WDR44: variants seen among roughly 807,000 people sequenced by gnomAD.
WDR44 encodes WD repeat domain 44.
In WDR44, 9 loss-of-function variants were observed where a neutral mutation model predicts 65.7. The observed-to-expected ratio is 0.14, with a 90% confidence interval of 0.08 to 0.24. WDR44 has a LOEUF of 0.24. WDR44 is among the 10% of genes least tolerant of loss of function. The pLI is 1.00. For synonymous variants in WDR44, 220 were observed against 235.2 expected (o/e 0.94, Z 0.59); for missense variants, 425 against 670.9 (o/e 0.63, Z 4.05).
At chrX:118,391,987 AAAAG>A (rs1447829552) in intron 3 of WDR44, among the ~76,000 whole-genome samples, 2 of 111,917 alleles carry the variant, frequency 1.8e-5, no homozygotes, top group Admixed American at 9.5e-5. Flanking sequence ...TCAAAAAAGA[AAAAG>A]AAAGGAAGGG....
chrX:118,445,210 G>C (rs754656938), intron 19 of WDR44: 1 of 213,188 alleles, frequency 4.7e-6, no homozygotes, highest in Non-Finnish European at 8.6e-6. Flanking sequence ...CAAGAGAATG[G>C]TGTGAGCCCG....
At chrX:118,389,121 T>A (rs919707920) in intron 3 of WDR44, among the ~76,000 whole-genome samples, 1 of 112,009 alleles carries the variant, frequency 8.9e-6, no homozygotes, top group African/African-American at 3.2e-5. Flanking sequence ...TGGAGCAGAA[T>A]GAGGTTTAAG....
intron 1 of WDR44, among the ~76,000 whole-genome samples, chrX:118,369,608 A>G (rs2056593361): frequency 9.5e-6 from 1 of 105,644 alleles, no homozygotes; most frequent in Non-Finnish European, 1.9e-5. Context: ...AGCTGGGGCT[A>G]CAGGCGCCCA....
chrX:118,394,711 A>G (rs1034385758), intron 5 of WDR44, among the ~76,000 whole-genome samples: 3 of 111,422 alleles, frequency 2.7e-5, no homozygotes, highest in Non-Finnish European at 5.6e-5. Flanking sequence ...GTGGTGGGCC[A>G]GGCTACCACA....
chrX:118,358,097 A>G (rs1986985), intron 1 of WDR44, among the ~76,000 whole-genome samples: 29,110 of 111,508 alleles, frequency 0.26, 3,137 homozygotes, highest in African/African-American at 0.39. Flanking sequence ...TTGATCAGCA[A>G]CAGCTACCAA....
intron 2 of WDR44, among the ~76,000 whole-genome samples, chrX:118,381,330 G>A (rs1199754951): frequency 3.7e-5 from 4 of 109,499 alleles, no homozygotes; most frequent in Non-Finnish European, 7.6e-5. Flanking sequence ...TTAGCCAGGC[G>A]TGGTGGCACA....
rs769608605 is a variant in WDR44 at position 118,414,980 on chromosome X, A to G, written c.1737+4021A>G. Among the ~76,000 whole-genome samples the G allele has an allele frequency of 3.0e-4, 33 of 111,201 alleles. No individual in the cohort carries two copies. In the South Asian group the frequency reaches 3.8e-3, roughly 13 times the overall value. On this transcript the variant is annotated intron_variant, in intron 12 of 19. Transcript: ENST00000254029. The stretch of plus-strand genomic sequence containing the variant: ...CCAGTTCTCAGAGGGAATGCTTTCA[A>G]TTTTTCCCCATTCAGTATTATGTTG...
intron 12 of WDR44, among the ~76,000 whole-genome samples, chrX:118,415,050 C>G (rs1023786451): frequency 9.0e-6 from 1 of 111,643 alleles, no homozygotes; most frequent in Admixed American, 9.5e-5. Context: ...TGAGATATGT[C>G]ACCTGTATGC....
At chrX:118,382,232 T>TTTTG (rs908932991) in intron 2 of WDR44, among the ~76,000 whole-genome samples, 14 of 111,004 alleles carry the variant, frequency 1.3e-4, no homozygotes, top group Non-Finnish European at 1.9e-4. Context: ...AAGGTGGTTT[T>TTTTG]TTTGTTTGTT....
In WDR44 at chrX:118,449,159, T is replaced by G; in HGVS notation, c.*172T>G. ...TCTAGGAAACCCTGGGCTGATAGAG[T>G]AGAAAGGAATATGGCTAGAATAACA... On this transcript the variant is annotated 3_prime_UTR_variant, in exon 20 of 20. Coordinates refer to ENST00000254029, the MANE Select transcript of WDR44 (RefSeq NM_019045.5). 3.1e-6 allele frequency: 1 copy of G among 324,453 alleles called. No homozygotes were observed. The highest frequency in any genetic ancestry group is 5.5e-6 in the Non-Finnish European group (1 of 182,153). The allele number at this position is 324,453 out of a possible 1,213,427, so 26.7% of individuals were successfully genotyped here.
At chrX:118,391,029 A>G (rs1483555670) in intron 3 of WDR44, among the ~76,000 whole-genome samples, 1 of 112,037 alleles carries the variant, frequency 8.9e-6, no homozygotes, top group Non-Finnish European at 1.9e-5. Flanking sequence ...CTGTATGACA[A>G]TTAAATGAGA....
At position 118,395,251 on chromosome X, in the gene WDR44, A is replaced by G; in HGVS notation, c.960A>G (p.Glu320=). The G allele has an allele frequency of 1.7e-6, 2 of 1,205,995 alleles. No individual in the cohort carries two copies. The highest frequency in any genetic ancestry group is 2.2e-6 in the Non-Finnish European group (2 of 892,448). The change falls in exon 6 of 20, where the codon GAA becomes GAG. Residue 320 remains glutamate, a splice_region_variant and synonymous_variant. Transcript: ENST00000254029. ...TSGDKIVTAQ[E]NGKAPDGQTV... ...TGTTTATAAAATTATATTTCCAGGA[A>G]AATGGAAAAGCACCTGATGGGCAGA...
chrX:118,401,953 G>A (rs5956051), intron 8 of WDR44, among the ~76,000 whole-genome samples: 47,564 of 109,135 alleles, frequency 0.44, 10,816 homozygotes, highest in African/African-American at 0.86. Context: ...TTTTTTTCTC[G>A]TAAAAGCGGG....
chrX:118,404,169 A>T (rs1433340626), intron 8 of WDR44, among the ~76,000 whole-genome samples, 169 bp from the exon 9 acceptor site: 1 of 112,607 alleles, frequency 8.9e-6, no homozygotes, highest in Non-Finnish European at 1.9e-5. Flanking sequence ...ATTGACTTGA[A>T]TATGTTTATT....
Position 118,383,627 on chromosome X carries a change from GTTAT to G in WDR44, c.112-3698_112-3695del, listed in dbSNP as rs947275214. Among the ~76,000 whole-genome samples, 3 of 109,740 alleles carry G rather than the reference GTTAT, an allele frequency of 2.7e-5. No homozygotes were observed. In the South Asian group the frequency reaches 1.1e-3, roughly 42 times the overall value. On this transcript the variant is annotated intron_variant, in intron 2 of 19. Coordinates refer to ENST00000254029, the MANE Select transcript of WDR44 (RefSeq NM_019045.5). ...GGTGTTTCTCTAATATGCATTAACT[GTTAT>G]TTATTTATTTATTTTTTTCTTTTTT... is the stretch of plus-strand genomic sequence containing the variant.
rs1433626737 is a variant in WDR44 at position 118,401,615 on chromosome X, T to C, written c.1275-2723T>C. On this transcript the variant is annotated intron_variant, in intron 8 of 19. Transcript: ENST00000254029. Reference sequence around the variant, plus strand: ...GTTGCGAAAATTTTCTCCCATTTTGTAGGTTGCCTGTTCACTCTGATGGTA... The same window carrying C: ...GTTGCGAAAATTTTCTCCCATTTTGCAGGTTGCCTGTTCACTCTGATGGTA... Among the ~76,000 whole-genome samples the C allele has an allele frequency of 3.8e-3, 326 of 86,462 alleles. 1 individual carries two copies. The highest frequency in any genetic ancestry group is 0.014 in the African/African-American group (307 of 21,361). The allele number at this position is 86,462 out of a possible 115,157, so 75.1% of individuals were successfully genotyped here.
intron 12 of WDR44, among the ~76,000 whole-genome samples, chrX:118,426,110 T>G (rs2057154525): frequency 9.0e-6 from 1 of 111,352 alleles, no homozygotes; most frequent in Non-Finnish European, 1.9e-5. Context: ...AACATTTGAG[T>G]GTGGATTAGA....
chrX:118,375,036 C>A (rs1043834179), intron 1 of WDR44, among the ~76,000 whole-genome samples: 19 of 111,614 alleles, frequency 1.7e-4, no homozygotes, highest in African/African-American at 5.9e-4. Context: ...ATGTAAAGCC[C>A]CACCAGAACC....
intron 1 of WDR44, among the ~76,000 whole-genome samples, chrX:118,350,474 G>A (rs935216447): frequency 7.2e-5 from 8 of 111,748 alleles, no homozygotes; most frequent in African/African-American, 2.3e-4. Context: ...TTACACTCTT[G>A]AGAACCCTTC....
Sources: allele counts gnomAD v4.1 joint callset (sites outside exome capture counted in the v4.1 genomes callset), GRCh38; gene constraint gnomAD v4.1.1; transcripts MANE v1.5; gene names NCBI Gene and HGNC (gene_info 2026-07-23, HGNC 2026-07-21).